NXPE2: variants seen among roughly 807,000 people sequenced by gnomAD.
NXPE2 encodes neurexophilin and PC-esterase domain family member 2, also known as NXPE family member 2.
Under a neutral mutation model 34.4 loss-of-function variants are expected in NXPE2, and 34 were observed. The observed-to-expected ratio is 0.99, with a 90% confidence interval of 0.75 to 1.31. The LOEUF (loss-of-function observed/expected upper bound fraction) is 1.31. Among genes scored for constraint, NXPE2 ranks in the 40% most tolerant of loss-of-function variants. The pLI, the probability that NXPE2 is intolerant of heterozygous loss-of-function variation, is 0.00. For missense variants in NXPE2, 649 were observed against 672.5 expected (o/e 0.97, Z 0.39); for synonymous variants, 235 against 231.3 (o/e 1.02, Z -0.15).
chr11:114,478,767 C>T, the NXPE2 span, among the ~76,000 whole-genome samples: 2 of 152,152 alleles, frequency 1.3e-5, no homozygotes, highest in South Asian at 4.1e-4. Context: ...TTAACCAACC[C>T]TGCTTTGGAG....
the NXPE2 span, among the ~76,000 whole-genome samples, chr11:114,723,963 CTG>C: frequency 6.6e-6 from 1 of 152,288 alleles, no homozygotes; most frequent in South Asian, 2.1e-4. Context: ...GCTGTCATCT[CTG>C]TGTACCTCAG....
At chr11:114,806,005 G>A in the NXPE2 span, among the ~76,000 whole-genome samples, 1 of 152,172 alleles carries the variant, frequency 6.6e-6, no homozygotes, top group East Asian at 1.9e-4. Flanking sequence ...AACTTTCAGA[G>A]GAACGATCAG....
chr11:114,504,565 G>C, the NXPE2 span, among the ~76,000 whole-genome samples: 1 of 152,166 alleles, frequency 6.6e-6, no homozygotes. Context: ...ACCTTGAGGA[G>C]CTAGAGAACA....
chr11:114,618,282 C>A, the NXPE2 span, among the ~76,000 whole-genome samples: 1 of 151,976 alleles, frequency 6.6e-6, no homozygotes. Context: ...ATAAGTATTA[C>A]CGCATGGGTA....
At chr11:114,719,831 C>T in the NXPE2 span, among the ~76,000 whole-genome samples, 1 of 152,130 alleles carries the variant, frequency 6.6e-6, no homozygotes, top group Non-Finnish European at 1.5e-5. Context: ...TACAGGGCCC[C>T]TGAAGACCCT....
At chr11:114,716,564 C>A in the NXPE2 span, among the ~76,000 whole-genome samples, 2 of 152,080 alleles carry the variant, frequency 1.3e-5, no homozygotes, top group African/African-American at 4.8e-5. Flanking sequence ...TATTCTGTGC[C>A]AGTTTTCAAA....
At chr11:114,498,273 T>C in the NXPE2 span, among the ~76,000 whole-genome samples, 2 of 152,086 alleles carry the variant, frequency 1.3e-5, no homozygotes, top group Admixed American at 1.3e-4. Context: ...AACAATAATT[T>C]ATTGTATATT....
chr11:114,500,516 G>A, the NXPE2 span, among the ~76,000 whole-genome samples: 4 of 151,962 alleles, frequency 2.6e-5, no homozygotes, highest in African/African-American at 7.2e-5. Flanking sequence ...ACATATTCTG[G>A]ATATAAGTTG....
At chr11:114,624,116 A>G in the NXPE2 span, among the ~76,000 whole-genome samples, 1 of 151,994 alleles carries the variant, frequency 6.6e-6, no homozygotes, top group Non-Finnish European at 1.5e-5. Context: ...GTCGTGGGTA[A>G]CCACTGTTAC....
At chr11:114,540,573 T>G in the NXPE2 span, among the ~76,000 whole-genome samples, 3 of 152,158 alleles carry the variant, frequency 2.0e-5, no homozygotes, top group Non-Finnish European at 4.4e-5. Context: ...GGAAATAATT[T>G]TTTTTTAAGT....
At chr11:114,777,850 G>T in the NXPE2 span, among the ~76,000 whole-genome samples, 1 of 152,116 alleles carries the variant, frequency 6.6e-6, no homozygotes, top group Non-Finnish European at 1.5e-5. Flanking sequence ...CACCTCATTG[G>T]CTTGCTATGT....
the NXPE2 span, among the ~76,000 whole-genome samples, chr11:114,600,449 G>A: frequency 6.6e-6 from 1 of 152,166 alleles, no homozygotes; most frequent in African/African-American, 2.4e-5. Flanking sequence ...AGACACAAAT[G>A]CTGTACTGAG....
chr11:114,745,245 A>G, the NXPE2 span, among the ~76,000 whole-genome samples: 4 of 152,184 alleles, frequency 2.6e-5, no homozygotes, highest in African/African-American at 7.2e-5. Context: ...TGCAGGCTGT[A>G]CAAGAAGCAT....
At chr11:114,771,824 A>C in the NXPE2 span, among the ~76,000 whole-genome samples, 1 of 152,244 alleles carries the variant, frequency 6.6e-6, no homozygotes, top group Non-Finnish European at 1.5e-5. Context: ...AATCCTCTTC[A>C]CACCATTCAG....
At chr11:114,585,898 G>T in the NXPE2 span, among the ~76,000 whole-genome samples, 1 of 152,122 alleles carries the variant, frequency 6.6e-6, no homozygotes, top group Non-Finnish European at 1.5e-5. Flanking sequence ...TCAACATGGA[G>T]GCTCCATCTT....
the NXPE2 span, among the ~76,000 whole-genome samples, chr11:114,757,133 T>C: frequency 6.6e-6 from 1 of 152,112 alleles, no homozygotes; most frequent in Non-Finnish European, 1.5e-5. Flanking sequence ...CAAATATAAA[T>C]CAATTTTCTA....
the NXPE2 span, among the ~76,000 whole-genome samples, chr11:114,602,773 A>G: frequency 6.9e-6 from 1 of 144,962 alleles, no homozygotes; most frequent in Non-Finnish European, 1.5e-5. Context: ...ATATATAATT[A>G]CAGAATAATG....
chr11:114,597,070 T>C, the NXPE2 span, among the ~76,000 whole-genome samples: 20 of 151,784 alleles, frequency 1.3e-4, no homozygotes, highest in African/African-American at 4.8e-4. Flanking sequence ...AAAACTATCT[T>C]GAAGTCTTTA....
At chr11:114,477,958 C>T in the NXPE2 span, among the ~76,000 whole-genome samples, 4 of 151,998 alleles carry the variant, frequency 2.6e-5, no homozygotes, top group Non-Finnish European at 5.9e-5. Flanking sequence ...AGAGTGGTAC[C>T]TAGTAAAACA....
Sources: gnomAD v4.1 joint callset for allele counts (sites outside exome capture counted in the v4.1 genomes callset) on GRCh38, gnomAD v4.1.1 for gene constraint, MANE v1.5 for transcripts, NCBI Gene and HGNC (gene_info 2026-07-23, HGNC 2026-07-21) for gene names.